Variants in DPP6 observed in about 807,000 individuals in gnomAD.
The protein encoded by DPP6 is A-type potassium channel modulatory protein DPP6.
DPP6 carries 69 observed loss-of-function variants against 122.6 expected under a neutral mutation model. The observed-to-expected ratio is 0.56, with a 90% CI of 0.46 to 0.69. DPP6 has a LOEUF of 0.69. DPP6 is among the 30% of genes least tolerant of loss of function. The pLI is 0.00. For synonymous variants in DPP6, 418 were observed against 433.1 expected, an observed-to-expected ratio of 0.97 and a Z score of 0.43; for missense variants, 928 against 1,116.9, an observed-to-expected ratio of 0.83 and a Z score of 2.41.
At chr7:154,213,297 G>A (rs763577155) in intron 1 of DPP6, among the ~76,000 whole-genome samples, 4 of 152,210 alleles carry the variant, frequency 2.6e-5, no homozygotes, top group Non-Finnish European at 4.4e-5. Context: ...AGAATGTGTA[G>A]CAAGTATTTG....
intron 5 of DPP6, among the ~76,000 whole-genome samples, chr7:154,616,895 T>A (rs1834297990): frequency 6.6e-6 from 1 of 152,156 alleles, no homozygotes; most frequent in Non-Finnish European, 1.5e-5. Context: ...TTTATCCAGA[T>A]AAAAATCTAT....
At chr7:153,833,609 T>C in the DPP6 span, among the ~76,000 whole-genome samples, 2 of 151,702 alleles carry the variant, frequency 1.3e-5, no homozygotes, top group Admixed American at 6.6e-5. Flanking sequence ...AGGTGGAGGT[T>C]GCAGTGAGCT....
At position 154,802,266 on chromosome 7, in the gene DPP6, T is replaced by C. The variant is rs528264528; in HGVS notation, c.1407+804T>C. Among the ~76,000 whole-genome samples, 9 of 152,260 alleles carry C rather than the reference T, an allele frequency of 5.9e-5. No individual in the cohort carries two copies. The East Asian group carries it at 1.7e-3, about 29-fold the overall frequency. The stretch of plus-strand genomic sequence containing the variant: ...ATGGCTATGACATAGAAGGCTCATA[T>C]TTATGATGAGGCCTCAAAGGCAATT... On this transcript the variant is annotated intron_variant, in intron 13 of 25. Transcript: ENST00000377770.
At chr7:154,361,374 A>ACAGTGAGATAGACCG (rs1563544635) in intron 1 of DPP6, among the ~76,000 whole-genome samples, 6 of 152,188 alleles carry the variant, frequency 3.9e-5, no homozygotes, top group Non-Finnish European at 8.8e-5. Flanking sequence ...GAGATAGACC[A>ACAGTGAGATAGACCG]CCACAGTGAA....
chr7:154,487,122 A>G (rs1425316912), intron 3 of DPP6, among the ~76,000 whole-genome samples: 1 of 152,216 alleles, frequency 6.6e-6, no homozygotes, highest in Non-Finnish European at 1.5e-5. Flanking sequence ...ATACAGAGGG[A>G]CAGGCTCTTC....
At chr7:154,425,597 G>GGA (rs1554545518) in intron 1 of DPP6, among the ~76,000 whole-genome samples, 23 of 105,474 alleles carry the variant, frequency 2.2e-4, no homozygotes, top group Admixed American at 8.5e-4. Context: ...TTAGTTTGGG[G>GGA]AAAAAAATGT....
At chr7:153,949,220 C>T (rs978377028) in intron 1 of DPP6, among the ~76,000 whole-genome samples, 8 of 152,196 alleles carry the variant, frequency 5.3e-5, no homozygotes, top group African/African-American at 1.9e-4. Context: ...AGTGCAGCCA[C>T]AGAGATTCAC....
chr7:153,848,008 C>T, the DPP6 span, among the ~76,000 whole-genome samples: 1 of 152,106 alleles, frequency 6.6e-6, no homozygotes, highest in African/African-American at 2.4e-5. Flanking sequence ...GGGAACCTTG[C>T]CAGGCCCAAC....
chr7:154,552,197 C>G (rs1259527493), intron 4 of DPP6, among the ~76,000 whole-genome samples: 1 of 152,174 alleles, frequency 6.6e-6, no homozygotes, highest in Non-Finnish European at 1.5e-5. Context: ...CTCAGAAGAC[C>G]TGCTTTCCAT....
At chr7:154,574,583 GTAT>G in intron 5 of DPP6, among the ~76,000 whole-genome samples, 1 of 140,554 alleles carries the variant, frequency 7.1e-6, no homozygotes, top group Middle Eastern at 4.4e-3. Context: ...TGGTGTGTGT[GTAT>G]GTGTGTGGGA....
intron 10 of DPP6, among the ~76,000 whole-genome samples, chr7:154,781,705 C>G (rs927726231): frequency 1.3e-5 from 2 of 152,262 alleles, no homozygotes; most frequent in East Asian, 3.9e-4. Context: ...AAAATGTCCT[C>G]TCTCATAACA....
intron 1 of DPP6, among the ~76,000 whole-genome samples, chr7:154,115,754 C>G (rs1472599627): frequency 6.6e-6 from 1 of 152,180 alleles, no homozygotes; most frequent in Non-Finnish European, 1.5e-5. Flanking sequence ...AGTCTCAGCA[C>G]TTTCAATTGT....
At chr7:154,795,944 C>G in intron 12 of DPP6, 61 bp downstream of exon 12, 1 of 1,566,000 alleles carries the variant, frequency 6.4e-7, no homozygotes, top group Admixed American at 2.0e-5. Context: ...CAGGGCTGGC[C>G]CTCAGAGCTT....
chr7:154,259,230 C>T (rs1802846318), intron 1 of DPP6, among the ~76,000 whole-genome samples: 2 of 152,200 alleles, frequency 1.3e-5, no homozygotes, highest in Non-Finnish European at 2.9e-5. Flanking sequence ...AGGAAATTAA[C>T]CTGATGCTCA....
chr7:154,305,015 C>T (rs1806169700), intron 1 of DPP6: 1 of 152,474 alleles, frequency 6.6e-6, no homozygotes, highest in South Asian at 1.8e-4. Flanking sequence ...CTCCGCGGCC[C>T]CCTCCCCAGC....
At chr7:154,446,609 A>G (rs949547468) in intron 2 of DPP6, among the ~76,000 whole-genome samples, 1 of 152,238 alleles carries the variant, frequency 6.6e-6, no homozygotes, top group Non-Finnish European at 1.5e-5. Context: ...AGACAGTGGC[A>G]TAAATATAAT....
chr7:154,734,932 T>C (rs1441975796), intron 8 of DPP6, among the ~76,000 whole-genome samples: 1 of 152,182 alleles, frequency 6.6e-6, no homozygotes, highest in African/African-American at 2.4e-5. Flanking sequence ...ACTGGTAACG[T>C]CTACGTATTG....
At chr7:154,409,094 A>G (rs900320582) in intron 1 of DPP6, among the ~76,000 whole-genome samples, 1 of 152,132 alleles carries the variant, frequency 6.6e-6, no homozygotes, top group Non-Finnish European at 1.5e-5. Flanking sequence ...TGGTGAGCTG[A>G]GATTGCACCA....
At chr7:154,243,186 A>T (rs556825085) in intron 1 of DPP6, among the ~76,000 whole-genome samples, 1 of 152,346 alleles carries the variant, frequency 6.6e-6, no homozygotes, top group Non-Finnish European at 1.5e-5. Flanking sequence ...ATCTAGAATC[A>T]TGAAAACATT....
Sources: gnomAD v4.1 joint callset for allele counts (sites outside exome capture counted in the v4.1 genomes callset) on GRCh38, gnomAD v4.1.1 for gene constraint, MANE v1.5 for transcripts, NCBI Gene and HGNC (gene_info 2026-07-23, HGNC 2026-07-21) for gene names.